The following PLEKHA1 variants were observed in gnomAD, a reference collection of about 807,000 sequenced individuals.
The protein encoded by PLEKHA1 is pleckstrin homology domain containing A1, also known as pleckstrin homology domain-containing family A member 1.
PLEKHA1 carries 34 observed loss-of-function variants against 52.0 expected under a neutral mutation model. That is an observed-to-expected ratio of 0.65 (90% CI 0.50 to 0.87). The LOEUF is 0.87. PLEKHA1 is among the 40% of genes least tolerant of loss of function. The pLI is 0.00. For missense variants in PLEKHA1, 497 were observed against 504.2 expected (o/e 0.99, Z 0.14); for synonymous variants, 163 against 170.7 (o/e 0.95, Z 0.35).
In PLEKHA1 at chr10:122,415,735, A is replaced by G. The variant is rs1292117487; in HGVS notation, c.469-124A>G. ...AGTAAGTATCTCAGATTAATTAGAA[A>G]ACTCTTCAAAAATCTGTTTCTGACT... On this transcript the variant is annotated intron_variant, in intron 6 of 11. Transcript: ENST00000368990. The G allele has an allele frequency of 1.2e-5, 11 of 932,084 alleles. No homozygotes were observed. The East Asian group carries it at 2.1e-4, about 18-fold the overall frequency. 57.7% of individuals were successfully genotyped at this position (932,084 alleles called of 1,614,324 possible).
intron 1 of PLEKHA1, among the ~76,000 whole-genome samples, chr10:122,379,562 C>T (rs973916337): frequency 3.9e-5 from 6 of 152,206 alleles, no homozygotes; most frequent in Admixed American, 2.0e-4. Context: ...TGGTGAAGAC[C>T]TCCTTCTTTT....
At chr10:122,400,472 C>T in intron 4 of PLEKHA1, 84 bp downstream of exon 4, 2 of 1,233,256 alleles carry the variant, frequency 1.6e-6, no homozygotes, top group Non-Finnish European at 1.1e-6. Flanking sequence ...GAAAACCACA[C>T]AAAACCTAGG....
At chr10:122,384,267 A>C (rs1053682960) in intron 1 of PLEKHA1, among the ~76,000 whole-genome samples, 1 of 152,108 alleles carries the variant, frequency 6.6e-6, no homozygotes, top group African/African-American at 2.4e-5. Context: ...AATATTTTCT[A>C]CTGGCTTTGA....
At chr10:122,427,502 C>T (rs1333810537) in intron 11 of PLEKHA1, among the ~76,000 whole-genome samples, 1 of 152,200 alleles carries the variant, frequency 6.6e-6, no homozygotes, top group African/African-American at 2.4e-5. Context: ...GCCATCAGAT[C>T]ACTGAGCAGC....
chr10:122,411,099 T>C (rs976436650), intron 5 of PLEKHA1, among the ~76,000 whole-genome samples: 1 of 152,236 alleles, frequency 6.6e-6, no homozygotes, highest in African/African-American at 2.4e-5. Context: ...TTATTGTCTT[T>C]AAAAAGCACT....
intron 6 of PLEKHA1, among the ~76,000 whole-genome samples, chr10:122,413,833 T>G (rs1313866163): frequency 6.6e-6 from 1 of 152,130 alleles, no homozygotes; most frequent in Non-Finnish European, 1.5e-5. Flanking sequence ...TTGCCAAGCT[T>G]GGGTATTTTC....
chr10:122,408,130 C>T (rs7085688), intron 5 of PLEKHA1, among the ~76,000 whole-genome samples: 2,058 of 152,300 alleles, frequency 0.014, 37 homozygotes, highest in African/African-American at 0.047. Context: ...TTTAACTCTT[C>T]TAATAAATAT....
At chr10:122,422,952 AAC>A (rs1295409233) in intron 8 of PLEKHA1, 1 of 152,192 alleles carries the variant, frequency 6.6e-6, no homozygotes, top group Admixed American at 6.5e-5. Flanking sequence ...TATAAACATA[AAC>A]AGATAATGAT....
At chr10:122,402,441 A>AT (rs1565209459) in intron 4 of PLEKHA1, among the ~76,000 whole-genome samples, 1 of 152,222 alleles carries the variant, frequency 6.6e-6, no homozygotes, top group African/African-American at 2.4e-5. Flanking sequence ...CGTGCAAGCC[A>AT]TTTTTGATGG....
chr10:122,413,560 C>A (rs1000257091), intron 6 of PLEKHA1, among the ~76,000 whole-genome samples: 1 of 151,974 alleles, frequency 6.6e-6, no homozygotes, highest in African/African-American at 2.4e-5. Context: ...TTTTTAAAAT[C>A]TATTTTTTCT....
chr10:122,413,440 T>A (rs900647343), intron 6 of PLEKHA1, among the ~76,000 whole-genome samples: 6 of 152,210 alleles, frequency 3.9e-5, no homozygotes, highest in Middle Eastern at 6.8e-3. Context: ...ACAAATAGAG[T>A]TCCTTTTCCT....
chr10:122,391,805 A>G (rs538011912), intron 1 of PLEKHA1, among the ~76,000 whole-genome samples: 1 of 152,266 alleles, frequency 6.6e-6, no homozygotes, highest in East Asian at 1.9e-4. Flanking sequence ...TCAGATTTAT[A>G]AGAACAATAA....
chr10:122,390,966 C>T (rs566778673), intron 1 of PLEKHA1, among the ~76,000 whole-genome samples: 25 of 152,116 alleles, frequency 1.6e-4, no homozygotes, highest in Admixed American at 1.4e-3. Flanking sequence ...TTGTTATTTT[C>T]CTCTCTTTTA....
At chr10:122,427,536 G>A (rs2097357171) in intron 11 of PLEKHA1, among the ~76,000 whole-genome samples, 1 of 152,196 alleles carries the variant, frequency 6.6e-6, no homozygotes, top group Non-Finnish European at 1.5e-5. Context: ...ACAGTTCAGT[G>A]CTCCCAGTGT....
chr10:122,413,012 T>C lies in PLEKHA1; in HGVS notation c.435T>C (p.Ile145=). ...GKKQVSYRTD[I]VGGVPIITPT... ...AGCAAGTGTCTTACAGAACTGATAT[T>C]GTTGGTGGCGTACCCATCATTACTC... The change falls in exon 6 of 12, where the codon ATT becomes ATC. Residue 145 remains isoleucine, a synonymous_variant. Transcript: ENST00000368990. 6.2e-7 allele frequency: 1 copy of C among 1,613,482 alleles called. No homozygotes were observed. Among genetic ancestry groups the C allele is most frequent in the Non-Finnish European group, 8.5e-7 (1 of 1,179,558 alleles).
intron 5 of PLEKHA1, among the ~76,000 whole-genome samples, chr10:122,408,007 C>T (rs556856954): frequency 1.3e-5 from 2 of 152,304 alleles, no homozygotes; most frequent in East Asian, 1.9e-4. Context: ...GCCTACGCAC[C>T]GCATCTGATC....
intron 1 of PLEKHA1, among the ~76,000 whole-genome samples, chr10:122,389,300 C>T (rs866351298): frequency 6.6e-6 from 1 of 152,348 alleles, no homozygotes; most frequent in South Asian, 2.1e-4. Context: ...ACAACATAAT[C>T]ACCTTGCACA....
Position 122,415,890 on chromosome 10 carries a change from T to A in PLEKHA1, c.500T>A (p.Ile167Asn). ...KEEVNECGES[I>N]DRNNLKRSQS... ...GAAGTAAATGAATGTGGTGAAAGTATTGACAGAAATAATCTGAAACGGTCA... is the reference window on the plus strand; with the variant it reads ...GAAGTAAATGAATGTGGTGAAAGTAATGACAGAAATAATCTGAAACGGTCA... Residue 167 changes from isoleucine to asparagine, a missense_variant, in exon 7 of 12, where the codon ATT (isoleucine) becomes AAT (asparagine). Ile to Asn is a moderately radical substitution (Grantham distance 149). Transcript: ENST00000368990. The A allele has an allele frequency of 6.2e-7, 1 of 1,612,688 alleles. No individual in the cohort carries two copies.
rs1188563789 is a variant in PLEKHA1 at position 122,397,813 on chromosome 10, TA to T, written c.142-99del. 13 of 867,688 alleles carry T rather than the reference TA, an allele frequency of 1.5e-5. No individual in the cohort carries two copies. The Middle Eastern group carries it at 1.5e-3, about 98-fold the overall frequency. 53.7% of individuals were successfully genotyped at this position (867,688 alleles called of 1,614,324 possible). A position where few individuals can be genotyped will look rare whatever the true frequency, so the allele number is the denominator to read the frequency against. ...AAAGTTCATTTGTAAAATGTGATAT[TA>T]AAAAATTGAGTTTTTAACTTTTCAG... On this transcript the variant is annotated intron_variant, in intron 2 of 11. Coordinates refer to ENST00000368990, the MANE Select transcript of PLEKHA1 (RefSeq NM_001001974.4).
Sources: gnomAD v4.1 joint callset for allele counts (sites outside exome capture counted in the v4.1 genomes callset) on GRCh38, gnomAD v4.1.1 for gene constraint, MANE v1.5 for transcripts, NCBI Gene and HGNC (gene_info 2026-07-23, HGNC 2026-07-21) for gene names.